SUGCT: variants seen among roughly 807,000 people sequenced by gnomAD.
SUGCT encodes succinyl-CoA:glutarate CoA-transferase.
A neutral mutation model predicts 55.0 loss-of-function variants in SUGCT; 41 were observed. The ratio of observed to expected loss-of-function variants is 0.74; its 90% CI spans 0.58 to 0.97. The LOEUF (loss-of-function observed/expected upper bound fraction) is 0.97. Ranked by LOEUF, SUGCT falls within the 50% of genes least tolerant of loss-of-function variation. The probability of loss-of-function intolerance (pLI) is 0.00; values close to 1 mark genes in which losing one functional copy is unlikely to be tolerated. For missense variants in SUGCT, 568 were observed against 547.8 expected (o/e 1.04, Z -0.37); for synonymous variants, 187 against 200.4 (o/e 0.93, Z 0.56).
chr7:40,510,846 C>T (rs1282670194), intron 12 of SUGCT, among the ~76,000 whole-genome samples: 1 of 151,872 alleles, frequency 6.6e-6, no homozygotes, highest in African/African-American at 2.4e-5. Flanking sequence ...AGAAGGTTAC[C>T]CTTAGGTAAA....
intron 10 of SUGCT, among the ~76,000 whole-genome samples, chr7:40,458,025 T>G (rs1418139132): frequency 6.6e-6 from 1 of 152,240 alleles, no homozygotes; most frequent in African/African-American, 2.4e-5. Context: ...TTATTATTCC[T>G]AAAGGAAATA....
At chr7:40,436,748 C>A (rs1788197623) in intron 9 of SUGCT, among the ~76,000 whole-genome samples, 1 of 152,080 alleles carries the variant, frequency 6.6e-6, no homozygotes, top group Admixed American at 6.6e-5. Flanking sequence ...TTGGGTTGTT[C>A]CTGAAAAATC....
intron 8 of SUGCT, among the ~76,000 whole-genome samples, chr7:40,281,532 A>C (rs1792950703): frequency 6.6e-6 from 1 of 152,180 alleles, no homozygotes; most frequent in Non-Finnish European, 1.5e-5. Flanking sequence ...ATTTATTGTA[A>C]GTTTTTATCA....
chr7:40,312,362 C>T (rs1351234424), intron 8 of SUGCT, among the ~76,000 whole-genome samples: 1 of 152,074 alleles, frequency 6.6e-6, no homozygotes, highest in Admixed American at 6.6e-5. Flanking sequence ...ATTCTGTGTT[C>T]CTTTTTGTAT....
intron 7 of SUGCT, among the ~76,000 whole-genome samples, chr7:40,262,742 A>G (rs1476766419): frequency 1.3e-5 from 2 of 152,114 alleles, no homozygotes; most frequent in Admixed American, 1.3e-4. Context: ...ATTAACTCAC[A>G]CATTTAAAAT....
At position 40,714,227 on chromosome 7, in the gene SUGCT, G is replaced by C. The variant is rs186098156; in HGVS notation, c.1090-35207G>C. On this transcript the variant is annotated intron_variant, in intron 12 of 13. Coordinates refer to ENST00000335693, the MANE Select transcript of SUGCT (RefSeq NM_001193313.2). ...CGCCTGTAATCTCAGCTACTTGGGAGGCTGAGGCAGGAGAATTGCTTGAAC... is the reference window on the plus strand; with the variant it reads ...CGCCTGTAATCTCAGCTACTTGGGACGCTGAGGCAGGAGAATTGCTTGAAC... Among the ~76,000 whole-genome samples the C allele has an allele frequency of 3.3e-5, 5 of 152,134 alleles. No individual in the cohort carries two copies. In the East Asian group the frequency reaches 9.7e-4, roughly 29 times the overall value.
At chr7:40,729,062 C>T (rs1188688314) in intron 12 of SUGCT, among the ~76,000 whole-genome samples, 1 of 152,168 alleles carries the variant, frequency 6.6e-6, no homozygotes, top group Non-Finnish European at 1.5e-5. Context: ...TACAGTCAGA[C>T]ACTACACTAT....
chr7:40,217,357 C>T (rs774692015), intron 6 of SUGCT: 159 of 411,314 alleles, frequency 3.9e-4, no homozygotes, highest in Middle Eastern at 7.0e-4. Context: ...ACTACAGGCT[C>T]GTGCCACTAC....
intron 9 of SUGCT, among the ~76,000 whole-genome samples, chr7:40,428,850 T>G (rs546033933): frequency 2.0e-5 from 3 of 152,368 alleles, no homozygotes; most frequent in African/African-American, 7.2e-5. Context: ...TGTTTCATAT[T>G]GCTATCTAAT....
chr7:40,139,476 G>T (rs1787873643), intron 1 of SUGCT, among the ~76,000 whole-genome samples: 1 of 152,204 alleles, frequency 6.6e-6, no homozygotes, highest in Non-Finnish European at 1.5e-5. Flanking sequence ...GGGATTACAG[G>T]CGTGAGCCAC....
intron 7 of SUGCT, among the ~76,000 whole-genome samples, chr7:40,248,724 A>G (rs2150921088): frequency 6.6e-6 from 1 of 152,290 alleles, no homozygotes; most frequent in East Asian, 1.9e-4. Flanking sequence ...TGGTGTCAAC[A>G]GATTAGTTCA....
chr7:41,020,580 A>G, the SUGCT span, among the ~76,000 whole-genome samples: 10 of 152,322 alleles, frequency 6.6e-5, no homozygotes, highest in African/African-American at 1.9e-4. Context: ...TCATTCATAT[A>G]TGTATTTTCA....
At chr7:40,968,827 C>T in the SUGCT span, among the ~76,000 whole-genome samples, 2 of 152,134 alleles carry the variant, frequency 1.3e-5, no homozygotes, top group East Asian at 1.9e-4. Context: ...TGCTACAGGA[C>T]ATGGGCCAAC....
the SUGCT span, among the ~76,000 whole-genome samples, chr7:40,983,115 G>A: frequency 6.6e-6 from 1 of 152,218 alleles, no homozygotes; most frequent in Non-Finnish European, 1.5e-5. Context: ...CAAGTCGACT[G>A]TGTTTTAACG....
At chr7:40,952,989 A>G in the SUGCT span, among the ~76,000 whole-genome samples, 1 of 152,096 alleles carries the variant, frequency 6.6e-6, no homozygotes, top group Non-Finnish European at 1.5e-5. Context: ...CCTGAATTTG[A>G]ATGTTGGCCT....
intron 12 of SUGCT, among the ~76,000 whole-genome samples, chr7:40,683,700 A>G (rs1486573269): frequency 6.6e-6 from 1 of 152,176 alleles, no homozygotes; most frequent in Non-Finnish European, 1.5e-5. Context: ...TTTTAAGTTC[A>G]TGTGTTTATT....
chr7:40,438,154 G>T (rs903329196), intron 9 of SUGCT, among the ~76,000 whole-genome samples: 1 of 152,130 alleles, frequency 6.6e-6, no homozygotes, highest in African/African-American at 2.4e-5. Context: ...CCCTGGGAAG[G>T]AGTAGAAACT....
At chr7:40,559,236 G>A (rs977432560) in intron 12 of SUGCT, among the ~76,000 whole-genome samples, 1 of 152,130 alleles carries the variant, frequency 6.6e-6, no homozygotes, top group Non-Finnish European at 1.5e-5. Flanking sequence ...CTCCTTACAT[G>A]TCACACCTCT....
chr7:40,876,527 G>A, the SUGCT span, among the ~76,000 whole-genome samples: 8 of 152,144 alleles, frequency 5.3e-5, no homozygotes, highest in South Asian at 2.1e-4. Context: ...AAAGGAAAGG[G>A]GATCCCATGT....
Sources: gnomAD v4.1 joint callset for allele counts (sites outside exome capture counted in the v4.1 genomes callset) on GRCh38, gnomAD v4.1.1 for gene constraint, MANE v1.5 for transcripts, NCBI Gene and HGNC (gene_info 2026-07-23, HGNC 2026-07-21) for gene names.